The following SRSF4 variants were observed in gnomAD, a reference collection of about 807,000 sequenced individuals.
The protein encoded by SRSF4 is serine/arginine-rich splicing factor 4.
SRSF4 carries 12 observed loss-of-function variants against 48.8 expected under a neutral mutation model. That is an observed-to-expected ratio of 0.25 (90% CI 0.16 to 0.40). The LOEUF is 0.40. Among genes scored for constraint, SRSF4 ranks in the 10% least tolerant of loss-of-function variants. The pLI is 1.00. For synonymous variants in SRSF4, 248 were observed against 232.5 expected, an observed-to-expected ratio of 1.07 and a Z score of -0.61; for missense variants, 466 against 667.1, an observed-to-expected ratio of 0.70 and a Z score of 3.32.
intron 4 of SRSF4, among the ~76,000 whole-genome samples, chr1:29,151,344 A>G (rs1407147207): frequency 6.6e-6 from 1 of 152,202 alleles, no homozygotes; most frequent in Non-Finnish European, 1.5e-5. Flanking sequence ...AAAACTAAGA[A>G]AAATAAGCCA....
intron 1 of SRSF4, among the ~76,000 whole-genome samples, chr1:29,161,377 A>C (rs1672592214): frequency 8.5e-6 from 1 of 117,104 alleles, no homozygotes; most frequent in Non-Finnish European, 2.0e-5. Context: ...CAGCTTTGTG[A>C]CCATTGCCTA....
At chr1:29,178,895 A>C (rs1672911360) in intron 1 of SRSF4, among the ~76,000 whole-genome samples, 1 of 152,200 alleles carries the variant, frequency 6.6e-6, no homozygotes, top group Non-Finnish European at 1.5e-5. Flanking sequence ...ATGATTCCTC[A>C]ATGATGCCAG....
intron 1 of SRSF4, among the ~76,000 whole-genome samples, chr1:29,174,675 G>GTTTT (rs35283951): frequency 1.5e-5 from 2 of 130,702 alleles, no homozygotes; most frequent in Admixed American, 8.1e-5. Flanking sequence ...CAGGAGATAG[G>GTTTT]TTTTTTTTTT....
Position 29,148,868 on chromosome 1 carries a change from GGCTCCTGCTGCCCCCTTTGCTCCT to G in SRSF4, c.1003_1026del (p.Lys337_Ser344del), listed in dbSNP as rs1173440023. 8 of 1,600,938 alleles carry G rather than the reference GGCTCCTGCTGCCCCCTTTGCTCCT, an allele frequency of 5.0e-6. No individual in the cohort carries two copies. Among genetic ancestry groups the G allele is most frequent in the Non-Finnish European group, 6.8e-6 (8 of 1,171,536 alleles). ...TTGCTCTTGCTGCGGCTCCTGCTCC[GGCTCCTGCTGCCCCCTTTGCTCCT>G]GCTCCGGCTCCGACTCTGGCGGAGG... On this transcript the variant is annotated inframe_deletion, in exon 6 of 6. Transcript: ENST00000373795.
chr1:29,166,236 A>T (rs1672667133), intron 1 of SRSF4, among the ~76,000 whole-genome samples: 1 of 152,226 alleles, frequency 6.6e-6, no homozygotes, highest in Non-Finnish European at 1.5e-5. Flanking sequence ...GCACTCAGTG[A>T]TGTCCTATGC....
intron 4 of SRSF4, among the ~76,000 whole-genome samples, chr1:29,150,434 T>G (rs543399412): frequency 6.6e-6 from 1 of 152,146 alleles, no homozygotes; most frequent in Admixed American, 6.5e-5. Context: ...CTGGCTAATT[T>G]TGTATTTTTA....
intron 3 of SRSF4, 69 bp downstream of exon 3, chr1:29,159,305 A>G: frequency 9.3e-7 from 1 of 1,078,872 alleles, no homozygotes; most frequent in Non-Finnish European, 1.4e-6. Context: ...CTGGGCCTGC[A>G]CAAATCTACC....
intron 1 of SRSF4, among the ~76,000 whole-genome samples, chr1:29,167,400 T>G (rs1160070412): frequency 6.6e-6 from 1 of 152,222 alleles, no homozygotes; most frequent in African/African-American, 2.4e-5. Context: ...TTTTTGTTTT[T>G]TTGAGATGGA....
intron 1 of SRSF4, among the ~76,000 whole-genome samples, chr1:29,167,743 T>C (rs1426654437): frequency 6.6e-6 from 1 of 152,248 alleles, no homozygotes; most frequent in African/African-American, 2.4e-5. Context: ...CTTTTGATTA[T>C]GAGCTCTTCA....
chr1:29,154,556 T>C (rs1672469127), intron 4 of SRSF4, 140 bp downstream of exon 4: 1 of 774,298 alleles, frequency 1.3e-6, no homozygotes. Flanking sequence ...TACAAATAAA[T>C]GTTCAGTTCA....
intron 3 of SRSF4, among the ~76,000 whole-genome samples, chr1:29,158,323 C>A (rs766753263): frequency 1.1e-4 from 17 of 152,146 alleles, no homozygotes; most frequent in Non-Finnish European, 4.4e-5. Flanking sequence ...TAAGGATACA[C>A]ACTGAAGCTG....
intron 1 of SRSF4, among the ~76,000 whole-genome samples, chr1:29,176,112 C>T (rs988156451): frequency 1.1e-4 from 16 of 151,450 alleles, no homozygotes; most frequent in African/African-American, 7.3e-5. Flanking sequence ...ATTAGCCGGG[C>T]GTGGTGGCAC....
In SRSF4 at chr1:29,160,567, T is replaced by A. The variant is rs768449431; in HGVS notation, c.108-50A>T. Reference sequence around the variant, plus strand: ...GGTTGGTACCATTTTGACATCCAGCTTCACTAACATTAAAGAGAAAGCAAT... The same window carrying A: ...GGTTGGTACCATTTTGACATCCAGCATCACTAACATTAAAGAGAAAGCAAT... On this transcript the variant is annotated intron_variant, in intron 1 of 5. Transcript: ENST00000373795. 2.4e-5 allele frequency: 37 copies of A among 1,544,510 alleles called. 1 individual carries two copies. In the South Asian group the frequency reaches 4.3e-4, roughly 18 times the overall value.
At chr1:29,153,263 T>TA (rs2151813014) in intron 4 of SRSF4, among the ~76,000 whole-genome samples, 1 of 151,320 alleles carries the variant, frequency 6.6e-6, no homozygotes, top group African/African-American at 2.4e-5. Context: ...TCAGCCTCCC[T>TA]AGTAGCTGGG....
At chr1:29,158,722 C>T (rs1012503390) in intron 3 of SRSF4, among the ~76,000 whole-genome samples, 3 of 152,172 alleles carry the variant, frequency 2.0e-5, no homozygotes, top group African/African-American at 7.2e-5. Flanking sequence ...TGAAGGATCA[C>T]TTGAGGCCAG....
At chr1:29,170,315 G>C (rs752130411) in intron 1 of SRSF4, 1 of 152,146 alleles carries the variant, frequency 6.6e-6, no homozygotes, top group Non-Finnish European at 1.5e-5. Flanking sequence ...ATTTAATATA[G>C]AATTACTTTA....
At position 29,154,927 on chromosome 1, in the gene SRSF4, G is replaced by A; in HGVS notation, c.364-17C>T. 1 of 1,585,856 alleles carries A rather than the reference G, an allele frequency of 6.3e-7. No individual in the cohort carries two copies. ...CATATAATCCTGAAGAAAAAAAAAA[G>A]TGTGACTACATTAGGATATGTTTTG... On this transcript the variant is annotated splice_polypyrimidine_tract_variant and intron_variant, in intron 3 of 5. Transcript: ENST00000373795.
At position 29,161,554 on chromosome 1, in the gene SRSF4, G is replaced by A; in HGVS notation, c.108-1037C>T. ...AAACAAGTTACAAGACTTGTCAGAGGGTCACTCAGCCTGCTGACAAAAAAT... is the reference window on the plus strand; with the variant it reads ...AAACAAGTTACAAGACTTGTCAGAGAGTCACTCAGCCTGCTGACAAAAAAT... On this transcript the variant is annotated intron_variant, in intron 1 of 5. Transcript: ENST00000373795. Among the ~76,000 whole-genome samples the A allele has an allele frequency of 1.3e-5, 2 of 151,932 alleles. 1 individual carries two copies. The highest frequency in any genetic ancestry group is 3.9e-4 in the East Asian group (2 of 5,194).
chr1:29,168,191 A>AT (rs57242686), intron 1 of SRSF4, among the ~76,000 whole-genome samples: 47,978 of 134,716 alleles, frequency 0.36, 9,245 homozygotes, highest in Non-Finnish European at 0.44. Flanking sequence ...ATTTTTTGTA[A>AT]TTTTTTTTTT....
Sources: gnomAD v4.1 joint callset for allele counts (sites outside exome capture counted in the v4.1 genomes callset) on GRCh38, gnomAD v4.1.1 for gene constraint, MANE v1.5 for transcripts, NCBI Gene and HGNC (gene_info 2026-07-23, HGNC 2026-07-21) for gene names.